The following GDPD5 variants were observed in gnomAD, a reference collection of about 807,000 sequenced individuals.
GDPD5 encodes glycerophosphodiester phosphodiesterase 2.
A neutral mutation model predicts 75.1 loss-of-function variants in GDPD5; 48 were observed. The ratio of observed to expected loss-of-function variants is 0.64; its 90% CI spans 0.51 to 0.81. GDPD5 has a LOEUF of 0.81. Among genes scored for constraint, GDPD5 ranks in the 40% least tolerant of loss-of-function variants. The pLI, the probability that GDPD5 is intolerant of heterozygous loss-of-function variation, is 0.00. For synonymous variants in GDPD5, 336 were observed against 339.0 expected, an observed-to-expected ratio of 0.99 and a Z score of 0.10; for missense variants, 706 against 822.6, an observed-to-expected ratio of 0.86 and a Z score of 1.73.
At chr11:75,489,909 C>G (rs1950079421) in intron 2 of GDPD5, among the ~76,000 whole-genome samples, 1 of 152,024 alleles carries the variant, frequency 6.6e-6, no homozygotes, top group Admixed American at 6.6e-5. Flanking sequence ...TGGCGACCTG[C>G]CTGGGTTTGA....
intron 1 of GDPD5, among the ~76,000 whole-genome samples, chr11:75,502,049 T>C (rs574182362): frequency 6.6e-6 from 1 of 152,292 alleles, no homozygotes; most frequent in Admixed American, 6.5e-5. Flanking sequence ...TTCCTCATGA[T>C]GGTACTCAAG....
intron 3 of GDPD5, among the ~76,000 whole-genome samples, chr11:75,476,734 G>A (rs375159633): frequency 1.2e-4 from 19 of 152,118 alleles, no homozygotes; most frequent in Non-Finnish European, 2.2e-4. Context: ...TGGAGGTGAC[G>A]AACCCAGGCT....
At chr11:75,455,538 C>T (rs1210861577) in intron 6 of GDPD5, among the ~76,000 whole-genome samples, 2 of 152,256 alleles carry the variant, frequency 1.3e-5, no homozygotes, top group Non-Finnish European at 2.9e-5. Flanking sequence ...AACCCAGGCT[C>T]ATGCTGTCCC....
Position 75,441,684 on chromosome 11 carries a change from C to T in GDPD5, c.1287G>A (p.Leu429=). ...GGGACACCTGAGTGTAGCGCAGGTT[C>T]AGCCGCTGGATGTGGCCTCTCCGCA... ...ASLRRGHIQR[L]NLRYTQVSRQ... Residue 429 remains leucine (L), a synonymous_variant, in exon 13 of 17, where the codon CTG becomes CTA. Coordinates refer to ENST00000336898, the MANE Select transcript of GDPD5 (RefSeq NM_030792.8). 6.2e-7 allele frequency: 1 copy of T among 1,605,340 alleles called. No individual in the cohort carries two copies. Among genetic ancestry groups the T allele is most frequent in the Non-Finnish European group, 8.5e-7 (1 of 1,176,924 alleles).
At chr11:75,468,554 C>A (rs60079896) in intron 3 of GDPD5, among the ~76,000 whole-genome samples, 4,140 of 152,360 alleles carry the variant, frequency 0.027, 292 homozygotes, top group East Asian at 0.2. Context: ...CTTCTCTGTG[C>A]CCCAGCTTCC....
intron 1 of GDPD5, among the ~76,000 whole-genome samples, chr11:75,501,587 G>A (rs1034251659): frequency 5.9e-5 from 9 of 152,166 alleles, no homozygotes; most frequent in East Asian, 1.9e-4. Context: ...GCTGGTGCTC[G>A]GGGCTCCAGA....
At chr11:75,494,889 T>C (rs1315647591) in intron 1 of GDPD5, among the ~76,000 whole-genome samples, 2 of 151,514 alleles carry the variant, frequency 1.3e-5, no homozygotes, top group East Asian at 1.9e-4. Context: ...CAGGCAGAGG[T>C]TGCAGTGCAC....
intron 4 of GDPD5, among the ~76,000 whole-genome samples, chr11:75,461,666 A>C (rs1023649407): frequency 1.4e-4 from 22 of 152,352 alleles, no homozygotes; most frequent in Admixed American, 9.1e-4. Context: ...CCATCATCTC[A>C]GTTCATCCTC....
intron 4 of GDPD5, 31 bp from the exon 5 acceptor site, chr11:75,457,817 C>T (rs537623478): frequency 1.3e-6 from 2 of 1,558,428 alleles, no homozygotes; most frequent in Non-Finnish European, 1.8e-6. Flanking sequence ...AGGGGTCAGA[C>T]CTCCACCAGG....
chr11:75,488,986 C>A (rs1397244637), intron 2 of GDPD5, among the ~76,000 whole-genome samples: 2 of 152,182 alleles, frequency 1.3e-5, no homozygotes, highest in South Asian at 2.1e-4. Context: ...GGACCTATGT[C>A]CCCTGCACTG....
At chr11:75,466,476 G>C (rs935014294) in intron 3 of GDPD5, among the ~76,000 whole-genome samples, 3 of 152,126 alleles carry the variant, frequency 2.0e-5, no homozygotes, top group Non-Finnish European at 4.4e-5. Context: ...ACAGCAGAGA[G>C]AGGCCTGCCC....
rs368991749 is a variant in GDPD5 at position 75,457,753 on chromosome 11, G to A, written c.255C>T (p.Asp85=). The A allele has an allele frequency of 1.9e-6, 3 of 1,614,120 alleles. No homozygotes were observed. Among genetic ancestry groups the A allele is most frequent in the Non-Finnish European group, 2.5e-6 (3 of 1,179,998 alleles). The part of the protein sequence containing the change: ...YLYNRMGYWS[D]WPVPILVTTA... ...TGGTCACAAGGATGGGTACGGGCCA[G>A]TCGCTCCAGTAGCCCATGCGGTTGT... Residue 85 remains aspartate (D), a synonymous_variant, in exon 5 of 17, where the codon GAC becomes GAT. Coordinates refer to ENST00000336898, the MANE Select transcript of GDPD5 (RefSeq NM_030792.8).
chr11:75,473,145 T>C (rs1183184442), intron 3 of GDPD5, among the ~76,000 whole-genome samples: 1 of 151,630 alleles, frequency 6.6e-6, no homozygotes, highest in Non-Finnish European at 1.5e-5. Flanking sequence ...GAGCTGGGGA[T>C]GGATTTCCCT....
At chr11:75,515,845 G>C (rs1950627602) in intron 1 of GDPD5, 1 of 152,270 alleles carries the variant, frequency 6.6e-6, no homozygotes, top group Admixed American at 6.5e-5. Context: ...CAGAGAGGGA[G>C]AGATGGGTAC....
chr11:75,510,062 CA>C (rs1950483328), intron 1 of GDPD5, among the ~76,000 whole-genome samples: 1 of 152,246 alleles, frequency 6.6e-6, no homozygotes, highest in Non-Finnish European at 1.5e-5. Flanking sequence ...CACTCCCAGT[CA>C]CGGGACACCA....
chr11:75,443,710 TG>T (rs1948901274), intron 10 of GDPD5, among the ~76,000 whole-genome samples: 1 of 152,186 alleles, frequency 6.6e-6, no homozygotes, highest in Non-Finnish European at 1.5e-5. Flanking sequence ...ACAGTGCAAA[TG>T]TAGACCTCTT....
At chr11:75,460,987 G>A (rs1949398157) in intron 4 of GDPD5, among the ~76,000 whole-genome samples, 1 of 152,030 alleles carries the variant, frequency 6.6e-6, no homozygotes, top group Non-Finnish European at 1.5e-5. Flanking sequence ...GACACAGTCA[G>A]GCAGGCTGAA....
chr11:75,499,885 G>A lies in GDPD5; in HGVS notation c.-144-9565C>T, dbSNP rs12289266. The stretch of plus-strand genomic sequence containing the variant: ...AGAGGCCAACCCCGCCCAGCCCTGA[G>A]CTTCAACTCCTGACCTGAACCTGGT... On this transcript the variant is annotated intron_variant, in intron 1 of 16. Coordinates refer to ENST00000336898, the MANE Select transcript of GDPD5 (RefSeq NM_030792.8). Among the ~76,000 whole-genome samples, 204 of 152,324 alleles carry A rather than the reference G, an allele frequency of 1.3e-3. 2 individuals carry two copies. Among genetic ancestry groups the A allele is most frequent in the African/African-American group, 4.6e-3 (191 of 41,558 alleles).
intron 12 of GDPD5, 143 bp from the exon 13 acceptor site, chr11:75,441,946 C>G: frequency 1.2e-6 from 1 of 857,694 alleles, no homozygotes; most frequent in Non-Finnish European, 1.8e-6. Context: ...CAGGGCAGGA[C>G]TCAGTCCCAG....
Sources: gnomAD v4.1 joint callset for allele counts (sites outside exome capture counted in the v4.1 genomes callset) on GRCh38, gnomAD v4.1.1 for gene constraint, MANE v1.5 for transcripts, NCBI Gene and HGNC (gene_info 2026-07-23, HGNC 2026-07-21) for gene names.